The following SLC10A6 variants were observed in gnomAD, a reference collection of about 807,000 sequenced individuals.
SLC10A6 encodes sodium-dependent organic anion transporter.
Under a neutral mutation model 30.0 loss-of-function variants are expected in SLC10A6, and 27 were observed. The ratio of observed to expected loss-of-function variants is 0.90; its 90% confidence interval spans 0.66 to 1.24. SLC10A6 has a LOEUF of 1.24. Ranked by LOEUF, SLC10A6 falls within the 50% of genes most tolerant of loss-of-function variation. The pLI, the probability that SLC10A6 is intolerant of heterozygous loss-of-function variation, is 0.00. For synonymous variants in SLC10A6, 166 were observed against 173.8 expected (o/e 0.95, Z 0.36); for missense variants, 439 against 457.0 (o/e 0.96, Z 0.36).
chr4:86,833,652 T>C (rs1348088658), intron 1 of SLC10A6, among the ~76,000 whole-genome samples: 1 of 152,214 alleles, frequency 6.6e-6, no homozygotes, highest in African/African-American at 2.4e-5. Context: ...TATTTTACTA[T>C]CTACTTGCCT....
chr4:86,836,185 T>C (rs1746181881), intron 1 of SLC10A6, among the ~76,000 whole-genome samples: 1 of 152,246 alleles, frequency 6.6e-6, no homozygotes, highest in South Asian at 2.1e-4. Context: ...TGTTTATCTC[T>C]GTTATTATTG....
chr4:86,843,764 T>TATAATA (rs919369538), intron 1 of SLC10A6, among the ~76,000 whole-genome samples: 1 of 152,106 alleles, frequency 6.6e-6, no homozygotes, highest in Admixed American at 6.5e-5. Context: ...GCCTGCCTTA[T>TATAATA]ATAATAATAA....
chr4:86,835,579 AT>A (rs1308220365), intron 1 of SLC10A6, among the ~76,000 whole-genome samples: 1 of 152,120 alleles, frequency 6.6e-6, no homozygotes, highest in Non-Finnish European at 1.5e-5. Context: ...AGGCAGGAGA[AT>A]CACTTGGACC....
In SLC10A6 at chr4:86,828,161, G is replaced by A. The variant is rs1367304271; in HGVS notation, c.593C>T (p.Ala198Val). The change falls in exon 4 of 6, where the codon GCC becomes GTC. Residue 198 changes from alanine to valine, a missense_variant. Physicochemically the swap from Ala to Val is moderately conservative, Grantham distance 64. Coordinates refer to ENST00000273905, the MANE Select transcript of SLC10A6 (RefSeq NM_197965.3). ...KQSKIILKIG[A>V]VVGGVLLLVV... ...CAGAAGGAGGACCCCACCAACAACGGCCCCAATCTGAAGCAAACAATAAAA... is the reference window on the plus strand; with the variant it reads ...CAGAAGGAGGACCCCACCAACAACGACCCCAATCTGAAGCAAACAATAAAA... 2 of 1,609,594 alleles carry A rather than the reference G, an allele frequency of 1.2e-6. No homozygotes were observed.
At chr4:86,824,180 T>C (rs190553814) in intron 5 of SLC10A6, among the ~76,000 whole-genome samples, 1 of 151,692 alleles carries the variant, frequency 6.6e-6, no homozygotes, top group South Asian at 2.1e-4. Context: ...CATTCATTCA[T>C]TCATTCACTC....
At chr4:86,832,590 C>CAA (rs33997087) in intron 2 of SLC10A6, among the ~76,000 whole-genome samples, 54 of 132,868 alleles carry the variant, frequency 4.1e-4, no homozygotes, top group African/African-American at 1.2e-3. Flanking sequence ...AACTCTGTCT[C>CAA]AAAAAAAAAA....
At chr4:86,830,271 G>T (rs1264661135) in intron 3 of SLC10A6, among the ~76,000 whole-genome samples, 2 of 152,144 alleles carry the variant, frequency 1.3e-5, no homozygotes, top group Non-Finnish European at 2.9e-5. Context: ...GATGGTGCAT[G>T]CCTGTAGTGC....
chr4:86,833,488 C>A, intron 1 of SLC10A6, 64 bp from the exon 2 acceptor site: 2 of 1,208,466 alleles, frequency 1.7e-6, no homozygotes, highest in South Asian at 2.5e-5. Context: ...TAGTCTTTAC[C>A]AAAAGCAACT....
intron 1 of SLC10A6, among the ~76,000 whole-genome samples, chr4:86,836,964 G>A (rs76795798): frequency 0.11 from 16,623 of 151,522 alleles, 2,632 homozygotes; most frequent in African/African-American, 0.35. Context: ...CACCATGTTG[G>A]CCAGGCTGTC....
At chr4:86,839,250 A>G (rs547026464) in intron 1 of SLC10A6, among the ~76,000 whole-genome samples, 3 of 149,914 alleles carry the variant, frequency 2.0e-5, no homozygotes, top group Admixed American at 6.6e-5. Flanking sequence ...AGCCTGAGCA[A>G]CATAGAGAGA....
chr4:86,837,223 GAGAGAA>G (rs1482363134), intron 1 of SLC10A6, among the ~76,000 whole-genome samples: 95 of 114,612 alleles, frequency 8.3e-4, no homozygotes, highest in African/African-American at 2.9e-3. Flanking sequence ...GAGAGAGAGA[GAGAGAA>G]AGAAAGAAAG....
chr4:86,829,633 C>T (rs1578754551), intron 3 of SLC10A6, among the ~76,000 whole-genome samples: 1 of 151,942 alleles, frequency 6.6e-6, no homozygotes, highest in Admixed American at 6.6e-5. Context: ...CCACCAAGAG[C>T]AAATGGGGAA....
At chr4:86,829,688 G>A (rs1746048640) in intron 3 of SLC10A6, among the ~76,000 whole-genome samples, 1 of 151,314 alleles carries the variant, frequency 6.6e-6, no homozygotes, top group South Asian at 2.1e-4. Flanking sequence ...AAATTAAAAT[G>A]GAACTAAGAA....
chr4:86,827,918 A>G (rs1746022513), intron 4 of SLC10A6, 75 bp downstream of exon 4: 3 of 1,384,872 alleles, frequency 2.2e-6, no homozygotes, highest in Non-Finnish European at 2.0e-6. Flanking sequence ...CTCCTGACAC[A>G]GGCAGCAAAG....
At chr4:86,839,446 G>A (rs778054239) in intron 1 of SLC10A6, among the ~76,000 whole-genome samples, 2 of 152,032 alleles carry the variant, frequency 1.3e-5, no homozygotes, top group African/African-American at 2.4e-5. Flanking sequence ...AGGAGGCCCT[G>A]TCTCTAAAAA....
chr4:86,827,841 A>AT, intron 4 of SLC10A6, 152 bp downstream of exon 4: 1 of 573,960 alleles, frequency 1.7e-6, no homozygotes, highest in South Asian at 6.4e-5. Context: ...ATGAATTGCC[A>AT]TGAATGACCC....
intron 1 of SLC10A6, among the ~76,000 whole-genome samples, chr4:86,834,014 C>T (rs575940580): frequency 1.6e-3 from 250 of 152,190 alleles, no homozygotes; most frequent in Middle Eastern, 3.4e-3. Flanking sequence ...ATAACATTTT[C>T]GACGTTTGAT....
chr4:86,833,344 C>T lies in SLC10A6; in HGVS notation c.458G>A (p.Ser153Asn), dbSNP rs1230279931. The T allele has an allele frequency of 9.3e-6, 15 of 1,614,022 alleles. No homozygotes were observed. The highest frequency in any genetic ancestry group is 3.3e-4 in the Middle Eastern group (2 of 6,084). ...LCIYLYTWSWSLQQNLTIPYQ... is the reference protein window; with the variant it reads ...LCIYLYTWSWNLQQNLTIPYQ... ...AGGAATGGTGAGATTCTGCTGAAGA[C>T]TCCAGGACCAGGTGTAGAGATAAAT... is the stretch of plus-strand genomic sequence containing the variant. The change falls in exon 2 of 6, where the codon AGT (serine) becomes AAT (asparagine). Residue 153 changes from serine (S) to asparagine (N), a missense_variant. Coordinates refer to ENST00000273905, the MANE Select transcript of SLC10A6 (RefSeq NM_197965.3).
intron 3 of SLC10A6, among the ~76,000 whole-genome samples, chr4:86,828,777 TTTAACA>T (rs1390079323): frequency 6.6e-6 from 1 of 152,156 alleles, no homozygotes; most frequent in Non-Finnish European, 1.5e-5. Context: ...ACTTTTGTTG[TTTAACA>T]AGAACAGAAA....
Sources: gnomAD v4.1 joint callset for allele counts (sites outside exome capture counted in the v4.1 genomes callset) on GRCh38, gnomAD v4.1.1 for gene constraint, MANE v1.5 for transcripts, NCBI Gene and HGNC (gene_info 2026-07-23, HGNC 2026-07-21) for gene names.